The following SCN7A variants were observed in gnomAD, a reference collection of about 807,000 sequenced individuals.
The protein encoded by SCN7A is sodium voltage-gated channel alpha subunit 7.
A neutral mutation model predicts 155.2 loss-of-function variants in SCN7A; 138 were observed. That is an observed-to-expected ratio of 0.89 (90% CI 0.77 to 1.02). The LOEUF (loss-of-function observed/expected upper bound fraction) is 1.02. Among genes scored for constraint, SCN7A ranks in the 50% least tolerant of loss-of-function variants. The pLI, the probability that SCN7A is intolerant of heterozygous loss-of-function variation, is 0.00. For missense variants in SCN7A, 2,058 were observed against 1,986.6 expected, an observed-to-expected ratio of 1.04 and a Z score of -0.68; for synonymous variants, 693 against 649.0, an observed-to-expected ratio of 1.07 and a Z score of -1.03.
chr2:166,423,180 A>G (rs1196091930), intron 19 of SCN7A, 79 bp downstream of exon 19: 1 of 1,387,590 alleles, frequency 7.2e-7, no homozygotes, highest in Non-Finnish European at 9.9e-7. Flanking sequence ...AGATATAACA[A>G]ACTGACAGGA....
rs1701067207 is a variant in SCN7A at position 166,406,155 on chromosome 2, T to C, written c.4474A>G (p.Ile1492Val). 1 of 1,612,148 alleles carries C rather than the reference T, an allele frequency of 6.2e-7. No homozygotes were observed. Among genetic ancestry groups the C allele is most frequent in the Non-Finnish European group, 8.5e-7 (1 of 1,178,938 alleles). ...TTTAAAAACTCCATGACAACAACAA[T>C]GTACATATTTACAATGATCAGCCAT... ...ISWLIIVNMY[I>V]VVVMEFLNIA... The change falls in exon 26 of 26, where the codon ATT (isoleucine) becomes GTT (valine). Residue 1492 changes from isoleucine (I) to valine (V), a missense_variant. Coordinates refer to ENST00000643258, the MANE Select transcript of SCN7A (RefSeq NM_002976.4).
At chr2:166,472,189 T>A in intron 6 of SCN7A, 128 bp downstream of exon 6, 1 of 852,202 alleles carries the variant, frequency 1.2e-6, no homozygotes, top group Non-Finnish European at 1.7e-6. Context: ...ACTATGACCA[T>A]AACTTTGAAG....
chr2:166,413,975 G>GTA (rs1192967969), intron 21 of SCN7A, among the ~76,000 whole-genome samples: 3 of 36,798 alleles, frequency 8.2e-5, no homozygotes, highest in African/African-American at 5.5e-4. Flanking sequence ...ATATATATGT[G>GTA]TATGTGTATA....
intron 9 of SCN7A, among the ~76,000 whole-genome samples, chr2:166,465,246 G>T (rs753323102): frequency 6.6e-6 from 1 of 152,116 alleles, no homozygotes; most frequent in Middle Eastern, 3.2e-3. Flanking sequence ...CAGCTTCCCC[G>T]ACTGTGAGTA....
Position 166,413,060 on chromosome 2 carries a change from A to T in SCN7A, c.3468+8T>A, listed in dbSNP as rs765262958. On this transcript the variant is annotated splice_region_variant and intron_variant, in intron 22 of 25. Transcript: ENST00000643258. ...CTAACAATGGCTTTAAAATGATATT[A>T]TACTTACAGCAACAGAATCAATTGC... is the stretch of plus-strand genomic sequence containing the variant. The T allele has an allele frequency of 6.6e-6, 10 of 1,523,650 alleles. No homozygotes were observed. Among genetic ancestry groups the T allele is most frequent in the Non-Finnish European group, 8.0e-6 (9 of 1,129,944 alleles). 94.4% of individuals were successfully genotyped at this position (1,523,650 alleles called of 1,614,324 possible).
At chr2:166,467,704 C>T (rs1227057046) in intron 7 of SCN7A, among the ~76,000 whole-genome samples, 4 of 151,546 alleles carry the variant, frequency 2.6e-5, no homozygotes, top group East Asian at 1.9e-4. Context: ...ACACCAATTT[C>T]GATCTTAATT....
intron 12 of SCN7A, among the ~76,000 whole-genome samples, chr2:166,446,785 C>T (rs761447670): frequency 8.5e-5 from 13 of 152,074 alleles, no homozygotes; most frequent in Non-Finnish European, 1.9e-4. Flanking sequence ...AACCAAACAC[C>T]GCATGTCCTC....
chr2:166,413,115 A>G lies in SCN7A; in HGVS notation c.3421T>C (p.Phe1141Leu). The G allele has an allele frequency of 6.6e-7, 1 of 1,515,136 alleles. No homozygotes were observed. Among genetic ancestry groups the G allele is most frequent in the Non-Finnish European group, 8.9e-7 (1 of 1,124,082 alleles). 93.9% of individuals were successfully genotyped at this position (1,515,136 alleles called of 1,614,324 possible). Residue 1141 changes from phenylalanine to leucine, a missense_variant, in exon 22 of 26, where the codon TTT (phenylalanine) becomes CTT (leucine). By Grantham distance (22) the Phe-to-Leu change is conservative. Coordinates refer to ENST00000643258, the MANE Select transcript of SCN7A (RefSeq NM_002976.4). ...GFLSLLQVAT[F>L]NGWITIMNSA... is the part of the protein sequence containing the mutation. The stretch of plus-strand genomic sequence containing the variant: ...TTCATAATAGTGATCCATCCATTAA[A>G]TGTTGCCTGTAAAAATAAAATGCAT...
intron 21 of SCN7A, among the ~76,000 whole-genome samples, chr2:166,416,104 G>C (rs1206620534): frequency 2.0e-5 from 3 of 152,018 alleles, no homozygotes; most frequent in Non-Finnish European, 4.4e-5. Context: ...GATACGCCCT[G>C]GTCTCCCACA....
At chr2:166,413,240 GTAATT>G (rs1233230083) in intron 21 of SCN7A, 119 bp from the exon 22 acceptor site, 1 of 471,368 alleles carries the variant, frequency 2.1e-6, no homozygotes, top group Non-Finnish European at 3.8e-6. Flanking sequence ...CATATACTGT[GTAATT>G]GGGATCCTTA....
At chr2:166,413,014 A>G (rs1021869948) in intron 22 of SCN7A, 54 bp downstream of exon 22, 2 of 1,302,102 alleles carry the variant, frequency 1.5e-6, no homozygotes, top group Non-Finnish European at 2.1e-6. Context: ...CTCGAATTGC[A>G]AAAATGACTT....
At chr2:166,414,026 A>T (rs576282177) in intron 21 of SCN7A, among the ~76,000 whole-genome samples, 2,905 of 87,630 alleles carry the variant, frequency 0.033, 285 homozygotes, top group African/African-American at 0.12. Flanking sequence ...ATATGTAAAT[A>T]TATATAAATA....
intron 11 of SCN7A, among the ~76,000 whole-genome samples, chr2:166,456,571 C>G (rs1702278764): frequency 6.6e-6 from 1 of 151,896 alleles, no homozygotes; most frequent in Non-Finnish European, 1.5e-5. Flanking sequence ...TTTATTTATA[C>G]CCTTAGGAAA....
chr2:166,461,915 C>T (rs1280193290), intron 10 of SCN7A: 1 of 153,328 alleles, frequency 6.5e-6, no homozygotes, highest in African/African-American at 2.4e-5. Context: ...CGGTGAAACC[C>T]CTCCTCTACT....
At chr2:166,415,760 T>C (rs972735586) in intron 21 of SCN7A, among the ~76,000 whole-genome samples, 2 of 152,142 alleles carry the variant, frequency 1.3e-5, no homozygotes, top group Non-Finnish European at 1.5e-5. Flanking sequence ...ACTGTGATAA[T>C]TGTGTTAACT....
chr2:166,432,669 A>AT lies in SCN7A; in HGVS notation c.2240dup (p.Asn747LysfsTer10), dbSNP rs1379314652. 1.2e-6 allele frequency: 2 copies of AT among 1,606,726 alleles called. No homozygotes were observed. The highest frequency in any genetic ancestry group is 1.7e-6 in the Non-Finnish European group (2 of 1,177,844). ...TAATTCTTGCCACTGCAAGCTGGAG[A>AT]TTTTTTGCTTCATTATTCTCTTCAG... On this transcript the variant is annotated frameshift_variant, in exon 16 of 26. Coordinates refer to ENST00000643258, the MANE Select transcript of SCN7A (RefSeq NM_002976.4). LOFTEE classifies it high-confidence loss of function.
At chr2:166,464,323 T>G (rs868334157) in intron 9 of SCN7A, among the ~76,000 whole-genome samples, 35 of 152,144 alleles carry the variant, frequency 2.3e-4, no homozygotes, top group Middle Eastern at 3.4e-3. Flanking sequence ...TTTGTTAACC[T>G]GGGCACCAGA....
chr2:166,482,360 C>T (rs1460190020), intron 2 of SCN7A, among the ~76,000 whole-genome samples: 2 of 152,020 alleles, frequency 1.3e-5, no homozygotes, highest in Non-Finnish European at 2.9e-5. Context: ...CTGCAAGACC[C>T]AATTTGCTAG....
intron 10 of SCN7A, among the ~76,000 whole-genome samples, chr2:166,460,713 T>C (rs1220705874): frequency 6.6e-6 from 1 of 152,154 alleles, no homozygotes; most frequent in East Asian, 1.9e-4. Flanking sequence ...GGAAATATGA[T>C]ATTATGAGAA....
Sources: gnomAD v4.1 joint callset for allele counts (sites outside exome capture counted in the v4.1 genomes callset) on GRCh38, gnomAD v4.1.1 for gene constraint, MANE v1.5 for transcripts, NCBI Gene and HGNC (gene_info 2026-07-23, HGNC 2026-07-21) for gene names.